The following SAFB variants were observed in gnomAD, a reference collection of about 807,000 sequenced individuals.
SAFB encodes the protein scaffold attachment factor B, also known as scaffold attachment factor B1.
Under a neutral mutation model 101.6 loss-of-function variants are expected in SAFB, and 15 were observed. The ratio of observed to expected loss-of-function variants is 0.15; its 90% CI spans 0.10 to 0.23. The LOEUF (loss-of-function observed/expected upper bound fraction) is 0.23, where lower values mean the gene tolerates loss of function less well. SAFB is among the 10% of genes least tolerant of loss of function. The probability of loss-of-function intolerance (pLI) is 1.00; values close to 1 mark genes in which losing one functional copy is unlikely to be tolerated. For missense variants in SAFB, 930 were observed against 1,104.1 expected, an observed-to-expected ratio of 0.84 and a Z score of 2.23; for synonymous variants, 449 against 407.5, an observed-to-expected ratio of 1.10 and a Z score of -1.23.
At chr19:5,633,430 C>T (rs1175866590) in intron 2 of SAFB, among the ~76,000 whole-genome samples, 2 of 152,142 alleles carry the variant, frequency 1.3e-5, no homozygotes, top group Middle Eastern at 3.2e-3. Flanking sequence ...GCCCTTTCCC[C>T]GGAATCAGCC....
chr19:5,667,490 G>C lies in SAFB; in HGVS notation c.2557+40G>C, dbSNP rs761160192. The C allele has an allele frequency of 5.9e-5, 82 of 1,397,054 alleles. No individual in the cohort carries two copies. Among genetic ancestry groups the C allele is most frequent in the Non-Finnish European group, 7.6e-5 (78 of 1,029,564 alleles). The allele number at this position is 1,397,054 out of a possible 1,614,324, so 86.5% of individuals were successfully genotyped here. A position where few individuals can be genotyped will look rare whatever the true frequency, so the allele number is the denominator to read the frequency against. On this transcript the variant is annotated intron_variant, in intron 19 of 20. Coordinates refer to ENST00000588852, the MANE Select transcript of SAFB (RefSeq NM_001201338.2). The surrounding 1 kb of genome is among the most constrained non-coding windows in gnomAD (Gnocchi z 4.0). ...TGGGCTGGGACCAGGATGTGCTGGGGAGTGATGGAAAGATGGAGGCCGCGC... is the reference window on the plus strand; with the variant it reads ...TGGGCTGGGACCAGGATGTGCTGGGCAGTGATGGAAAGATGGAGGCCGCGC...
intron 13 of SAFB, among the ~76,000 whole-genome samples, chr19:5,654,767 AT>A (rs1247520970): frequency 6.6e-6 from 1 of 152,164 alleles, no homozygotes; most frequent in Non-Finnish European, 1.5e-5. Flanking sequence ...AGGTTTCACC[AT>A]GTTGGCCAGG....
chr19:5,633,634 G>A (rs184926886), intron 2 of SAFB, among the ~76,000 whole-genome samples: 8 of 152,126 alleles, frequency 5.3e-5, no homozygotes, highest in South Asian at 4.2e-4. Flanking sequence ...AAAAAATTAG[G>A]CAGGCGTGGT....
At chr19:5,640,456 C>T (rs754302777) in intron 2 of SAFB, among the ~76,000 whole-genome samples, 57 of 144,964 alleles carry the variant, frequency 3.9e-4, no homozygotes, top group Non-Finnish European at 6.6e-4. Flanking sequence ...ACCTCTGCCT[C>T]CCGGATTCAA....
At chr19:5,640,096 C>T (rs569386913) in intron 2 of SAFB, among the ~76,000 whole-genome samples, 1 of 152,112 alleles carries the variant, frequency 6.6e-6, no homozygotes, top group Admixed American at 6.5e-5. Context: ...TCAGGTGATC[C>T]GCCTGCCTCG....
At chr19:5,638,081 A>G (rs1342299023) in intron 2 of SAFB, among the ~76,000 whole-genome samples, 1 of 152,194 alleles carries the variant, frequency 6.6e-6, no homozygotes, top group Non-Finnish European at 1.5e-5. Flanking sequence ...TTTGTATGAA[A>G]AAGCAAATGA....
Position 5,636,354 on chromosome 19 carries a change from A to G in SAFB, c.275-5240A>G, listed in dbSNP as rs1599329193. ...TTATCAAATGTAATCATTCTGTGGC[A>G]ATGCTCTGGTATCTCTTCCCAGCAT... is the stretch of plus-strand genomic sequence containing the variant. On this transcript the variant is annotated intron_variant, in intron 2 of 20. Coordinates refer to ENST00000588852, the MANE Select transcript of SAFB (RefSeq NM_001201338.2). Among the ~76,000 whole-genome samples, 6 of 152,224 alleles carry G rather than the reference A, an allele frequency of 3.9e-5. No homozygotes were observed. The South Asian group carries it at 1.0e-3, about 26-fold the overall frequency.
At chr19:5,666,955 G>A (rs1266465824) in intron 17 of SAFB, 91 bp from the exon 18 acceptor site, 3 of 826,742 alleles carry the variant, frequency 3.6e-6, no homozygotes, top group East Asian at 4.8e-5. Flanking sequence ...AGTGACTGTC[G>A]TTGTCATCGT....
intron 7 of SAFB, 149 bp from the exon 8 acceptor site, chr19:5,649,777 G>A: frequency 2.4e-6 from 2 of 837,630 alleles, no homozygotes; most frequent in South Asian, 1.7e-5. Flanking sequence ...CTTATGGTTA[G>A]GTCAGATTTT....
At chr19:5,641,544 T>C in intron 2 of SAFB, 50 bp from the exon 3 acceptor site, 1 of 1,504,564 alleles carries the variant, frequency 6.6e-7, no homozygotes, top group South Asian at 1.2e-5. Flanking sequence ...TTGTTGCTTC[T>C]GTAAAGTGCG....
intron 1 of SAFB, among the ~76,000 whole-genome samples, chr19:5,624,864 G>A (rs1455127234): frequency 1.3e-5 from 2 of 152,128 alleles, no homozygotes; most frequent in Non-Finnish European, 2.9e-5. Flanking sequence ...CAGAGAAAAT[G>A]CAGAGAGTGG....
rs566488778 is a variant in SAFB at position 5,664,559 on chromosome 19, T to TA, written c.2334+123dup. On this transcript the variant is annotated intron_variant, in intron 17 of 20. Transcript: ENST00000588852. ...GAGGCAAAATGAGGAAAGAGAAAAG[T>TA]AAAGCACTAGAAAAGTCTAGGTTTG... 1.5e-3 allele frequency: 1,162 copies of TA among 784,950 alleles called. 2 individuals carry two copies. Among genetic ancestry groups the TA allele is most frequent in the Non-Finnish European group, 2.0e-3 (903 of 458,864 alleles). 48.6% of individuals were successfully genotyped at this position (784,950 alleles called of 1,614,324 possible).
At position 5,641,822 on chromosome 19, in the gene SAFB, A is replaced by G. The variant is rs1206741938; in HGVS notation, c.422A>G (p.Asn141Ser). Residue 141 changes from asparagine to serine, a missense_variant, in exon 4 of 21, where the codon AAT becomes AGT. Asn to Ser is a conservative substitution (Grantham distance 46). Transcript: ENST00000588852. ...ISVLDEAEID[N>S]GSVADCVEDD... ...GTGTTGGATGAAGCAGAAATTGATA[A>G]TGGAAGCGTTGCAGATTGTGTCGAA... The G allele has an allele frequency of 8.7e-6, 14 of 1,614,100 alleles. No individual in the cohort carries two copies. The highest frequency in any genetic ancestry group is 1.3e-5 in the African/African-American group (1 of 75,040).
intron 1 of SAFB, among the ~76,000 whole-genome samples, chr19:5,625,120 C>T (rs936417332): frequency 1.3e-5 from 2 of 152,148 alleles, no homozygotes; most frequent in Non-Finnish European, 2.9e-5. Context: ...ACACGAATAC[C>T]GCCAGCCCAT....
At chr19:5,652,286 G>A (rs1382889471) in intron 9 of SAFB, among the ~76,000 whole-genome samples, 1 of 152,112 alleles carries the variant, frequency 6.6e-6, no homozygotes, top group Non-Finnish European at 1.5e-5. Context: ...GTGTGTGGCT[G>A]GCAACACCTG....
intron 2 of SAFB, among the ~76,000 whole-genome samples, chr19:5,634,820 T>G (rs937081205): frequency 6.6e-6 from 1 of 152,068 alleles, no homozygotes. Context: ...GACATAAGAT[T>G]TTTGCCTATC....
intron 2 of SAFB, among the ~76,000 whole-genome samples, chr19:5,635,903 G>A (rs1028020736): frequency 6.6e-6 from 1 of 152,094 alleles, no homozygotes; most frequent in Non-Finnish European, 1.5e-5. Context: ...TTGCCAGAGA[G>A]TTATACTTTT....
intron 20 of SAFB, 44 bp from the exon 21 acceptor site, chr19:5,668,118 A>C: frequency 6.3e-7 from 1 of 1,595,280 alleles, no homozygotes. Flanking sequence ...TGGGCCGGGG[A>C]GCAGGAGGAC....
In SAFB at chr19:5,668,409, T is replaced by C. The variant is rs984978772; in HGVS notation, c.*118T>C. 4.3e-6 allele frequency: 5 copies of C among 1,166,460 alleles called. No individual in the cohort carries two copies. The highest frequency in any genetic ancestry group is 5.8e-5 in the East Asian group (2 of 34,190). The allele number at this position is 1,166,460 out of a possible 1,614,324, so 72.3% of individuals were successfully genotyped here. A position where few individuals can be genotyped will look rare whatever the true frequency, so the allele number is the denominator to read the frequency against. On this transcript the variant is annotated 3_prime_UTR_variant, in exon 21 of 21. Coordinates refer to ENST00000588852, the MANE Select transcript of SAFB (RefSeq NM_001201338.2). ...GCTGCCATATTGTAGCTCAATACAATGTGAATTTGTTTTTCGTTTTGGGGT... is the reference window on the plus strand; with the variant it reads ...GCTGCCATATTGTAGCTCAATACAACGTGAATTTGTTTTTCGTTTTGGGGT...
Sources: allele counts gnomAD v4.1 joint callset (sites outside exome capture counted in the v4.1 genomes callset), GRCh38; gene constraint gnomAD v4.1.1; non-coding constraint Gnocchi (gnomAD v3.1); transcripts MANE v1.5; gene names NCBI Gene and HGNC (gene_info 2026-07-23, HGNC 2026-07-21).